FAM180A: variants seen among roughly 807,000 people sequenced by gnomAD.
FAM180A encodes family with sequence similarity 180 member A.
FAM180A carries 14 observed loss-of-function variants against 15.3 expected under a neutral mutation model. The ratio of observed to expected loss-of-function variants is 0.92; its 90% CI spans 0.61 to 1.43. The LOEUF is 1.43. Among genes scored for constraint, FAM180A ranks in the 40% most tolerant of loss-of-function variants. The pLI is 0.00. For missense variants in FAM180A, 200 were observed against 220.8 expected (o/e 0.91, Z 0.60); for synonymous variants, 90 against 96.8 (o/e 0.93, Z 0.41).
chr7:135,736,035 C>CT, intron 2 of FAM180A, among the ~76,000 whole-genome samples: 2 of 128,476 alleles, frequency 1.6e-5, no homozygotes, highest in Middle Eastern at 5.0e-3. Context: ...TTTTTTTTTT[C>CT]TTTTTGAGAT....
chr7:135,741,432 C>T (rs1018490402), intron 1 of FAM180A, among the ~76,000 whole-genome samples: 1 of 150,070 alleles, frequency 6.7e-6, no homozygotes, highest in Non-Finnish European at 1.5e-5. Flanking sequence ...AGGAGAATGG[C>T]GTGAACCCGG....
chr7:135,744,917 C>G (rs1797008479), intron 1 of FAM180A, among the ~76,000 whole-genome samples: 1 of 152,098 alleles, frequency 6.6e-6, no homozygotes, highest in African/African-American at 2.4e-5. Context: ...TTTTTGGATA[C>G]AGGGTCTTGC....
At chr7:135,732,903 G>T (rs1796808138) in intron 3 of FAM180A, among the ~76,000 whole-genome samples, 1 of 152,218 alleles carries the variant, frequency 6.6e-6, no homozygotes, top group Admixed American at 6.5e-5. Context: ...GCATTTAGTT[G>T]TCTGATGATG....
chr7:135,735,993 G>A (rs934022705), intron 2 of FAM180A, among the ~76,000 whole-genome samples: 4 of 149,124 alleles, frequency 2.7e-5, no homozygotes, highest in African/African-American at 4.9e-5. Context: ...ATGAGCCGCC[G>A]CACCTGGCCT....
Position 135,729,665 on chromosome 7 carries a change from G to C in FAM180A, c.*946C>G. The C allele has an allele frequency of 1.0e-6, 1 of 979,750 alleles. No homozygotes were observed. 60.7% of individuals were successfully genotyped at this position (979,750 alleles called of 1,614,324 possible). On this transcript the variant is annotated 3_prime_UTR_variant, in exon 4 of 4. Coordinates refer to ENST00000338588, the MANE Select transcript of FAM180A (RefSeq NM_205855.4). The stretch of plus-strand genomic sequence containing the variant: ...TATTTGTTAAATAAAAATAGGTACA[G>C]CAAGTGTACAATAAGACCAGTAGTT...
rs1470402360 is a variant in FAM180A at position 135,734,153 on chromosome 7, G to T, written c.344C>A (p.Pro115His). ...RRLSASLSSH[P>H]GILKKEDFER... ...AAAGTCTTCTTTCTTGAGGATGCCA[G>T]GGTGGCTGGAGAGGCTGGCGCTGAG... The change falls in exon 3 of 4, where the codon CCT becomes CAT. Residue 115 changes from proline (P) to histidine (H), a missense_variant. Physicochemically the swap from Pro to His is moderately conservative, Grantham distance 77 (BLOSUM62 -2). Coordinates refer to ENST00000338588, the MANE Select transcript of FAM180A (RefSeq NM_205855.4). 1 of 1,614,174 alleles carries T rather than the reference G, an allele frequency of 6.2e-7. No homozygotes were observed. The highest frequency in any genetic ancestry group is 1.7e-5 in the Admixed American group (1 of 60,032).
intron 3 of FAM180A, among the ~76,000 whole-genome samples, chr7:135,730,547 C>CA (rs1303947140): frequency 6.6e-6 from 1 of 151,992 alleles, no homozygotes; most frequent in East Asian, 1.9e-4. Flanking sequence ...AAAAACAAAA[C>CA]AAAAAAACCC....
chr7:135,734,764 T>C (rs1220080675), intron 2 of FAM180A, among the ~76,000 whole-genome samples: 1 of 152,238 alleles, frequency 6.6e-6, no homozygotes, highest in African/African-American at 2.4e-5. Context: ...TGCATTAGCT[T>C]GGTTTTTCTA....
chr7:135,731,405 T>C (rs1796778531), intron 3 of FAM180A, among the ~76,000 whole-genome samples: 2 of 151,418 alleles, frequency 1.3e-5, no homozygotes, highest in African/African-American at 4.9e-5. Flanking sequence ...TGACAGACAG[T>C]GAGTGTTAGA....
At chr7:135,746,098 G>C (rs1020693978) in intron 1 of FAM180A, among the ~76,000 whole-genome samples, 1 of 152,088 alleles carries the variant, frequency 6.6e-6, no homozygotes, top group Admixed American at 6.5e-5. Context: ...GCGCTGACTT[G>C]AGCCATTAAT....
chr7:135,743,918 G>A (rs62489539), intron 1 of FAM180A, among the ~76,000 whole-genome samples: 5,401 of 152,022 alleles, frequency 0.036, 107 homozygotes, highest in Middle Eastern at 0.075. Context: ...TTTCTAATAG[G>A]GTGAATCTAG....
chr7:135,733,192 TG>T (rs996597966), intron 3 of FAM180A, among the ~76,000 whole-genome samples: 1 of 152,228 alleles, frequency 6.6e-6, no homozygotes, highest in Admixed American at 6.5e-5. Context: ...TATATTTATT[TG>T]GGTATAGCTC....
At chr7:135,744,658 C>T (rs1454237732) in intron 1 of FAM180A, among the ~76,000 whole-genome samples, 1 of 152,104 alleles carries the variant, frequency 6.6e-6, no homozygotes, top group African/African-American at 2.4e-5. Context: ...GTGAGTGGCC[C>T]ATGGGGGATG....
intron 3 of FAM180A, among the ~76,000 whole-genome samples, chr7:135,731,000 GC>G (rs1163712484): frequency 6.6e-6 from 1 of 150,756 alleles, no homozygotes; most frequent in African/African-American, 2.4e-5. Context: ...AAAAATTCAA[GC>G]CCCAATTTGT....
chr7:135,739,466 G>C, intron 1 of FAM180A, among the ~76,000 whole-genome samples: 1 of 151,580 alleles, frequency 6.6e-6, no homozygotes, highest in African/African-American at 2.4e-5. Flanking sequence ...CAAAAAATTA[G>C]CCGGGTGTGG....
chr7:135,744,211 C>G (rs73160766), intron 1 of FAM180A, among the ~76,000 whole-genome samples: 26 of 152,266 alleles, frequency 1.7e-4, no homozygotes, highest in Non-Finnish European at 3.2e-4. Flanking sequence ...TTAAAAGTCT[C>G]TTTCTTCTTC....
Position 135,734,045 on chromosome 7 carries a change from GA to G in FAM180A, c.451del (p.Ser151ProfsTer9). ...HGHQKDIWAQ[S>X]LVSLFQALRH... ...CAGGGCCTGGAAGAGGCTAACGAGG[GA>G]CTGCGCCCAGATGTCCTTCTGATGG... On this transcript the variant is annotated frameshift_variant, in exon 3 of 4. Transcript: ENST00000338588. LOFTEE classifies it high-confidence loss of function. The G allele has an allele frequency of 2.5e-6, 4 of 1,614,218 alleles. No individual in the cohort carries two copies. The highest frequency in any genetic ancestry group is 3.4e-6 in the Non-Finnish European group (4 of 1,180,036).
rs746096703 is a variant in FAM180A at position 135,734,013 on chromosome 7, C to T, written c.484G>A (p.Asp162Asn). The T allele has an allele frequency of 1.6e-5, 26 of 1,612,534 alleles. No homozygotes were observed. Among genetic ancestry groups the T allele is most frequent in the African/African-American group, 2.7e-5 (2 of 74,926 alleles). Residue 162 changes from aspartate (D) to asparagine (N), a missense_variant, in exon 3 of 4, where the codon GAC becomes AAC. Physicochemically the swap from Asp to Asn is conservative, Grantham distance 23. Coordinates refer to ENST00000338588, the MANE Select transcript of FAM180A (RefSeq NM_205855.4). Reference sequence around the variant, plus strand: ...CCCGGCTGTGAGGAGCGCATCAAGTCGTGCCTCAGGGCCTGGAAGAGGCTA... The same window carrying T: ...CCCGGCTGTGAGGAGCGCATCAAGTTGTGCCTCAGGGCCTGGAAGAGGCTA... Reference protein sequence around the residue: ...LVSLFQALRHDLMRSSQPGVP... With the variant: ...LVSLFQALRHNLMRSSQPGVP...
At position 135,734,242 on chromosome 7, in the gene FAM180A, C is replaced by T; in HGVS notation, c.255G>A (p.Lys85=). Residue 85 remains lysine, a synonymous_variant, in exon 3 of 4, where the codon AAG becomes AAA. Transcript: ENST00000338588. ...IKDEELASLR[K]ASDFRTVCNN... ...TGCAGACGGTGCGGAAGTCTGAGGC[C>T]TTCCGCAAGGAGGCCAGCTCCTCGT... 9 of 1,614,168 alleles carry T rather than the reference C, an allele frequency of 5.6e-6. No individual in the cohort carries two copies. Among genetic ancestry groups the T allele is most frequent in the East Asian group, 2.2e-5 (1 of 44,884 alleles).
Sources: gnomAD v4.1 joint callset for allele counts (sites outside exome capture counted in the v4.1 genomes callset) on GRCh38, gnomAD v4.1.1 for gene constraint, MANE v1.5 for transcripts, NCBI Gene and HGNC (gene_info 2026-07-23, HGNC 2026-07-21) for gene names.